KCNK2: variants seen among roughly 807,000 people sequenced by gnomAD.
The protein encoded by KCNK2 is potassium two pore domain channel subfamily K member 2.
In KCNK2, 21 loss-of-function variants were observed where a neutral mutation model predicts 40.5. That is an observed-to-expected ratio of 0.52 (90% confidence interval 0.37 to 0.75). The LOEUF is 0.75. Among genes scored for constraint, KCNK2 ranks in the 30% least tolerant of loss-of-function variants. The probability of loss-of-function intolerance (pLI) is 0.00; values close to 1 mark genes in which losing one functional copy is unlikely to be tolerated. For synonymous variants in KCNK2, 191 were observed against 202.2 expected (o/e 0.94, Z 0.47); for missense variants, 399 against 531.6 (o/e 0.75, Z 2.45).
At position 215,083,283 on chromosome 1, in the gene KCNK2, C is replaced by A. The variant is rs370361294; in HGVS notation, c.-103C>A. ...AAATGCCTGCCCGTGCAGCTCGGAG[C>A]GCGCAGCCCGTCTCTGAATAAGAAG... On this transcript the variant is annotated 5_prime_UTR_variant, in exon 1 of 7. Transcript: ENST00000444842. The A allele has an allele frequency of 6.3e-7, 1 of 1,575,054 alleles. No homozygotes were observed. The highest frequency in any genetic ancestry group is 8.7e-7 in the Non-Finnish European group (1 of 1,155,678).
chr1:215,139,966 A>G (rs1196120656), intron 3 of KCNK2, among the ~76,000 whole-genome samples: 2 of 152,296 alleles, frequency 1.3e-5, no homozygotes, highest in East Asian at 1.9e-4. Flanking sequence ...TGATTTTCCT[A>G]TGTATAGTTG....
chr1:215,133,300 T>C (rs559586107), intron 3 of KCNK2, among the ~76,000 whole-genome samples: 2 of 152,334 alleles, frequency 1.3e-5, no homozygotes, highest in Admixed American at 6.5e-5. Context: ...CTTGAAATTA[T>C]CCAAAAATTG....
intron 3 of KCNK2, among the ~76,000 whole-genome samples, chr1:215,139,496 A>G (rs913520298): frequency 6.6e-5 from 10 of 152,184 alleles, no homozygotes; most frequent in African/African-American, 2.2e-4. Context: ...AAAAAAATAT[A>G]TACATGGCTG....
At chr1:215,150,029 G>A (rs1409595076) in intron 3 of KCNK2, among the ~76,000 whole-genome samples, 3 of 152,032 alleles carry the variant, frequency 2.0e-5, no homozygotes, top group Non-Finnish European at 4.4e-5. Context: ...CTGACCTTAC[G>A]GAACTTCTGA....
At chr1:215,214,032 CT>C (rs898255538) in intron 6 of KCNK2, among the ~76,000 whole-genome samples, 2 of 152,156 alleles carry the variant, frequency 1.3e-5, no homozygotes, top group African/African-American at 4.8e-5. Context: ...ACACCATTGC[CT>C]CTTTGAACCT....
chr1:215,040,682 G>C (rs944390405), intron 1 of KCNK2, among the ~76,000 whole-genome samples: 1 of 152,132 alleles, frequency 6.6e-6, no homozygotes, highest in Non-Finnish European at 1.5e-5. Context: ...TGTGGGTTTA[G>C]ATACAGTGTG....
intron 6 of KCNK2, among the ~76,000 whole-genome samples, chr1:215,230,507 G>GTGTATATATATATA (rs564184766): frequency 6.1e-5 from 4 of 65,558 alleles, no homozygotes; most frequent in African/African-American, 2.9e-4. Context: ...ACACACGGCT[G>GTGTATATATATATA]TATATATATA....
intron 3 of KCNK2, among the ~76,000 whole-genome samples, chr1:215,131,827 T>G (rs564054833): frequency 1.3e-5 from 2 of 152,070 alleles, no homozygotes; most frequent in African/African-American, 2.4e-5. Flanking sequence ...GAGATTGAAT[T>G]TGGCTAAACA....
rs143924349 is a variant in KCNK2, at chr1:215,155,440, A to G, written c.476-13759A>G. 2.6e-3 allele frequency among the ~76,000 whole-genome samples: 403 copies of G among 152,316 alleles called. 2 individuals carry two copies. Among genetic ancestry groups the G allele is most frequent in the Middle Eastern group, 6.8e-3 (2 of 294 alleles). On this transcript the variant is annotated intron_variant, in intron 3 of 6. Transcript: ENST00000444842. ...GATTTTAGAATAATTTCATTAAATTATATAATTTTTAAAACTACGAATTTT... is the reference window on the plus strand; with the variant it reads ...GATTTTAGAATAATTTCATTAAATTGTATAATTTTTAAAACTACGAATTTT...
intron 2 of KCNK2, among the ~76,000 whole-genome samples, chr1:215,096,606 AG>A (rs1659986992): frequency 6.6e-6 from 1 of 152,088 alleles, no homozygotes; most frequent in African/African-American, 2.4e-5. Flanking sequence ...GGGGCAAGGT[AG>A]GGTGGATCAT....
rs17024298 is a variant in KCNK2, at chr1:215,119,246, C to T, written c.358-5387C>T. On this transcript the variant is annotated intron_variant, in intron 2 of 6. Transcript: ENST00000444842. ...TTGAATGCCAAGTCTGTACTAGTCC[C>T]ATATACTTACAAGTAAGTGTGTTTT... Among the ~76,000 whole-genome samples, 1,127 of 152,220 alleles carry T rather than the reference C, an allele frequency of 7.4e-3. 14 individuals are homozygous for T. The highest frequency in any genetic ancestry group is 0.026 in the African/African-American group (1,073 of 41,544).
At chr1:215,038,846 A>G (rs12047560) in intron 1 of KCNK2, among the ~76,000 whole-genome samples, 6,853 of 152,010 alleles carry the variant, frequency 0.045, 412 homozygotes, top group East Asian at 0.13. Flanking sequence ...TATTTCTTCT[A>G]TTTCTCCTCT....
At chr1:215,074,302 G>A (rs1658858443) in intron 1 of KCNK2, among the ~76,000 whole-genome samples, 1 of 152,132 alleles carries the variant, frequency 6.6e-6, no homozygotes, top group Non-Finnish European at 1.5e-5. Flanking sequence ...GATGCAAAAA[G>A]GTAAAAGGGA....
At chr1:215,073,360 A>AT (rs1658822218) in intron 1 of KCNK2, among the ~76,000 whole-genome samples, 1 of 152,236 alleles carries the variant, frequency 6.6e-6, no homozygotes, top group African/African-American at 2.4e-5. Flanking sequence ...TGGAACAAGC[A>AT]CTAATAATTC....
intron 2 of KCNK2, among the ~76,000 whole-genome samples, chr1:215,093,823 ATTAT>A (rs1290339299): frequency 1.2e-4 from 3 of 25,100 alleles, no homozygotes; most frequent in African/African-American, 2.2e-4. Flanking sequence ...TATATTATAT[ATTAT>A]ATATAAAATA....
At chr1:215,175,660 A>G (rs1663936015) in intron 5 of KCNK2, among the ~76,000 whole-genome samples, 1 of 150,946 alleles carries the variant, frequency 6.6e-6, no homozygotes, top group Admixed American at 6.6e-5. Flanking sequence ...CTCCCTTCCC[A>G]CTCTAGTGGT....
intron 6 of KCNK2, among the ~76,000 whole-genome samples, chr1:215,214,825 T>C (rs1665891974): frequency 6.6e-6 from 1 of 151,682 alleles, no homozygotes; most frequent in South Asian, 2.1e-4. Context: ...AGACCTTGTC[T>C]CAAAAAAATA....
chr1:215,164,829 T>G (rs1663370389), intron 3 of KCNK2, among the ~76,000 whole-genome samples: 1 of 152,158 alleles, frequency 6.6e-6, no homozygotes, highest in African/African-American at 2.4e-5. Flanking sequence ...CTCTTGCAGG[T>G]GTCCTCACTG....
chr1:215,196,333 C>T (rs927269640), intron 6 of KCNK2, among the ~76,000 whole-genome samples: 2 of 151,982 alleles, frequency 1.3e-5, no homozygotes, highest in African/African-American at 2.4e-5. Flanking sequence ...GTGATCTGCC[C>T]GCCTCTGCCT....
Sources: gnomAD v4.1 joint callset for allele counts (sites outside exome capture counted in the v4.1 genomes callset) on GRCh38, gnomAD v4.1.1 for gene constraint, MANE v1.5 for transcripts, NCBI Gene and HGNC (gene_info 2026-07-23, HGNC 2026-07-21) for gene names.